The following PIH1D2 variants were observed in gnomAD, a reference collection of about 807,000 sequenced individuals.
The protein encoded by PIH1D2 is PIH1 domain containing 2.
Under a neutral mutation model 31.2 loss-of-function variants are expected in PIH1D2, and 25 were observed. The observed-to-expected ratio is 0.80, with a 90% CI of 0.58 to 1.12. PIH1D2 has a LOEUF of 1.12. Ranked by LOEUF, PIH1D2 falls within the 50% of genes most tolerant of loss-of-function variation. The pLI is 0.00. For synonymous variants in PIH1D2, 116 were observed against 119.9 expected (o/e 0.97, Z 0.21); for missense variants, 310 against 356.6 (o/e 0.87, Z 1.05).
intron 5 of PIH1D2, among the ~76,000 whole-genome samples, chr11:112,068,908 C>T (rs1269329071): frequency 3.3e-5 from 5 of 151,170 alleles, no homozygotes; most frequent in Admixed American, 6.6e-5. Flanking sequence ...CTTTTATCAA[C>T]CAAGCTGATT....
chr11:112,053,562 C>T, the PIH1D2 span, among the ~76,000 whole-genome samples: 3 of 151,978 alleles, frequency 2.0e-5, no homozygotes, highest in African/African-American at 7.2e-5. Context: ...AAGCAATTTT[C>T]CTACCTCAGC....
At chr11:112,053,357 G>C in the PIH1D2 span, among the ~76,000 whole-genome samples, 3 of 152,174 alleles carry the variant, frequency 2.0e-5, no homozygotes, top group East Asian at 5.8e-4. Flanking sequence ...TTAAATTTAG[G>C]TTAGAATACT....
chr11:112,070,400 C>G (rs148746308), intron 5 of PIH1D2, 36 bp downstream of exon 5: 2 of 1,596,192 alleles, frequency 1.3e-6, no homozygotes, highest in East Asian at 4.5e-5. Flanking sequence ...TGAATGCTGG[C>G]CAATACAAAT....
intron 3 of PIH1D2, 75 bp downstream of exon 3, chr11:112,071,560 A>G: frequency 6.7e-7 from 1 of 1,497,928 alleles, no homozygotes; most frequent in Non-Finnish European, 9.2e-7. Context: ...TTTACTTGAA[A>G]TGCTCTCAAC....
intron 2 of PIH1D2, among the ~76,000 whole-genome samples, chr11:112,072,053 A>G (rs902288194): frequency 6.6e-6 from 1 of 152,082 alleles, no homozygotes; most frequent in Admixed American, 6.5e-5. Context: ...AGATTGTGCC[A>G]TTGCACTCCT....
Position 112,071,527 on chromosome 11 carries a change from T to C in PIH1D2, c.301+108A>G, listed in dbSNP as rs1006341183. 24 of 1,386,412 alleles carry C rather than the reference T, an allele frequency of 1.7e-5. 1 individual carries two copies. Among genetic ancestry groups the C allele is most frequent in the Admixed American group, 1.1e-4 (5 of 45,866 alleles). The allele number at this position is 1,386,412 out of a possible 1,614,324, so 85.9% of individuals were successfully genotyped here. A position where few individuals can be genotyped will look rare whatever the true frequency, so the allele number is the denominator to read the frequency against. ...TGCATAAAGATACACTAATTGTAAT[T>C]ATATTATCAACAAATAAAGAGTTTT... On this transcript the variant is annotated intron_variant, in intron 3 of 5. Transcript: ENST00000280350.
downstream of PIH1D2, among the ~76,000 whole-genome samples, chr11:112,060,834 G>T (rs181272448): frequency 1.3e-5 from 2 of 152,236 alleles, no homozygotes; most frequent in Admixed American, 6.5e-5. Flanking sequence ...TCCAAAAGAA[G>T]ATATTGTTTG....
chr11:112,062,389 T>G (rs1057521901), downstream of PIH1D2: 1 of 1,612,118 alleles, frequency 6.2e-7, no homozygotes, highest in Non-Finnish European at 8.5e-7. Flanking sequence ...ATCTAAAATG[T>G]CTTTATCTTT....
In PIH1D2 at chr11:112,073,088, GC is replaced by G; in HGVS notation, c.86del (p.Gly29AlafsTer10). On this transcript the variant is annotated frameshift_variant, in exon 2 of 6. Coordinates refer to ENST00000280350, the MANE Select transcript of PIH1D2 (RefSeq NM_138789.4). LOFTEE classifies it high-confidence loss of function. Reference sequence around the variant, plus strand: ...GCTGCTGCTGAATAAACTTCTCATAGCCCTCAGGGTCACTCTGAGCTAGATC... The same window carrying G: ...GCTGCTGCTGAATAAACTTCTCATAGCCTCAGGGTCACTCTGAGCTAGATC... ...LDDLAQSDPEGYEKFIQQQLK... is the reference protein window; with the variant it reads ...LDDLAQSDPEXYEKFIQQQLK... 1 of 1,614,052 alleles carries G rather than the reference GC, an allele frequency of 6.2e-7. No homozygotes were observed. The highest frequency in any genetic ancestry group is 8.5e-7 in the Non-Finnish European group (1 of 1,179,976).
the PIH1D2 span, among the ~76,000 whole-genome samples, chr11:112,058,145 T>C: frequency 6.6e-6 from 1 of 152,252 alleles, no homozygotes; most frequent in Non-Finnish European, 1.5e-5. Context: ...TACTTGTTCA[T>C]ACACCCATTC....
the PIH1D2 span, among the ~76,000 whole-genome samples, chr11:112,056,214 A>G: frequency 6.6e-6 from 1 of 152,262 alleles, no homozygotes; most frequent in East Asian, 1.9e-4. Flanking sequence ...GTATCATAAA[A>G]TGTACCTGCT....
In PIH1D2 at chr11:112,071,618, C is replaced by T; in HGVS notation, c.301+17G>A. 6.2e-7 allele frequency: 1 copy of T among 1,610,014 alleles called. No homozygotes were observed. The highest frequency in any genetic ancestry group is 8.5e-7 in the Non-Finnish European group (1 of 1,177,244). ...TAATAAAATTTTTACAATGTGCTTT[C>T]TCTCAATTATTTGTACCTGATATCT... On this transcript the variant is annotated intron_variant, in intron 3 of 5. Coordinates refer to ENST00000280350, the MANE Select transcript of PIH1D2 (RefSeq NM_138789.4).
intron 4 of PIH1D2, 47 bp from the exon 5 acceptor site, chr11:112,070,748 C>T: frequency 1.3e-6 from 2 of 1,566,204 alleles, no homozygotes; most frequent in South Asian, 1.1e-5. Context: ...AAATCTACAA[C>T]ATAAAATACT....
the PIH1D2 span, among the ~76,000 whole-genome samples, chr11:112,055,405 G>A: frequency 2.6e-5 from 4 of 151,472 alleles, no homozygotes; most frequent in Non-Finnish European, 4.4e-5. Flanking sequence ...CACCACGCCC[G>A]GCTAATTTTT....
At chr11:112,062,388 G>A (rs1864691627), downstream of PIH1D2, 1 of 1,611,906 alleles carries the variant, frequency 6.2e-7, no homozygotes. Context: ...TATCTAAAAT[G>A]TCTTTATCTT....
intron 1 of PIH1D2, 122 bp downstream of exon 1, chr11:112,073,858 T>A (rs1205353663): frequency 6.6e-6 from 1 of 152,530 alleles, no homozygotes; most frequent in East Asian, 1.9e-4. Context: ...GATTCTTCAA[T>A]TACTGTGTAA....
At chr11:112,064,093 G>T, downstream of PIH1D2, 1 of 1,229,792 alleles carries the variant, frequency 8.1e-7, no homozygotes, top group Non-Finnish European at 1.1e-6. Context: ...GTAATTTTAG[G>T]TTGAAGATTA....
chr11:112,071,143 A>C lies in PIH1D2; in HGVS notation c.442T>G (p.Tyr148Asp). 1 of 1,613,924 alleles carries C rather than the reference A, an allele frequency of 6.2e-7. No individual in the cohort carries two copies. Among genetic ancestry groups the C allele is most frequent in the Non-Finnish European group, 8.5e-7 (1 of 1,179,904 alleles). Residue 148 changes from tyrosine to aspartate, a missense_variant, in exon 4 of 6, where the codon TAC becomes GAC. Transcript: ENST00000280350. ...TTTATTCTAAATTTGGTAATATGGT[A>C]AGAGTGTGAGAGGGTGAACTGGAAT... Reference protein sequence around the residue: ...EKFQFTLSHSYHITKFRIKGS... With the variant: ...EKFQFTLSHSDHITKFRIKGS...
chr11:112,062,455 G>C (rs1275502006), downstream of PIH1D2: 1 of 1,612,766 alleles, frequency 6.2e-7, no homozygotes, highest in Non-Finnish European at 8.5e-7. Context: ...TGATCACCGG[G>C]TGGTGGATGG....
Sources: allele counts gnomAD v4.1 joint callset (sites outside exome capture counted in the v4.1 genomes callset), GRCh38; gene constraint gnomAD v4.1.1; transcripts MANE v1.5; gene names NCBI Gene and HGNC (gene_info 2026-07-23, HGNC 2026-07-21).